The following GALNT13 variants were observed in gnomAD, a reference collection of about 807,000 sequenced individuals.
GALNT13 encodes the protein UDP-GalNAc:polypeptide N-acetylgalactosaminyltransferase 13.
In GALNT13, 28 loss-of-function variants were observed where a neutral mutation model predicts 64.2. The observed-to-expected ratio is 0.44, with a 90% confidence interval of 0.32 to 0.60. The LOEUF (loss-of-function observed/expected upper bound fraction) is 0.60. Among genes scored for constraint, GALNT13 ranks in the 20% least tolerant of loss-of-function variants. The pLI is 0.05. For synonymous variants in GALNT13, 214 were observed against 224.6 expected, an observed-to-expected ratio of 0.95 and a Z score of 0.42; for missense variants, 577 against 669.8, an observed-to-expected ratio of 0.86 and a Z score of 1.53.
At chr2:154,206,344 C>CAT (rs1020529446) in intron 4 of GALNT13, among the ~76,000 whole-genome samples, 22 of 151,892 alleles carry the variant, frequency 1.4e-4, no homozygotes, top group African/African-American at 4.1e-4. Flanking sequence ...TTTTTGAAAT[C>CAT]ATATATATAT....
the GALNT13 span, among the ~76,000 whole-genome samples, chr2:153,291,833 T>TAGGG: frequency 6.6e-6 from 1 of 151,744 alleles, no homozygotes; most frequent in African/African-American, 2.4e-5. Flanking sequence ...TGGAGACACG[T>TAGGG]AGGGGAAACA....
At chr2:153,379,619 G>A in the GALNT13 span, among the ~76,000 whole-genome samples, 1 of 152,126 alleles carries the variant, frequency 6.6e-6, no homozygotes, top group African/African-American at 2.4e-5. Flanking sequence ...ACAGGTCTAC[G>A]AAGAAGTTGG....
At chr2:154,446,606 C>T (rs1420524885) in intron 12 of GALNT13, 10 of 1,547,696 alleles carry the variant, frequency 6.5e-6, no homozygotes, top group Non-Finnish European at 8.7e-6. Flanking sequence ...AGTCTTGTCT[C>T]TCAGTGAACA....
the GALNT13 span, among the ~76,000 whole-genome samples, chr2:153,783,670 G>A: frequency 6.6e-6 from 1 of 152,058 alleles, no homozygotes; most frequent in African/African-American, 2.4e-5. Flanking sequence ...GGACCAGGTG[G>A]AGATAATTCT....
At chr2:153,755,972 C>T in the GALNT13 span, among the ~76,000 whole-genome samples, 1 of 152,074 alleles carries the variant, frequency 6.6e-6, no homozygotes, top group Non-Finnish European at 1.5e-5. Flanking sequence ...TCATTCTCCG[C>T]AACATTTTCA....
At chr2:153,709,581 A>T in the GALNT13 span, among the ~76,000 whole-genome samples, 1 of 152,028 alleles carries the variant, frequency 6.6e-6, no homozygotes, top group Non-Finnish European at 1.5e-5. Context: ...AACTGTATGG[A>T]AGTAACTCAA....
At chr2:154,333,673 G>A (rs1278621399) in intron 9 of GALNT13, among the ~76,000 whole-genome samples, 1 of 151,988 alleles carries the variant, frequency 6.6e-6, no homozygotes, top group East Asian at 1.9e-4. Context: ...TTATAAAAAT[G>A]GTGAAAATGT....
At chr2:153,850,617 T>G in the GALNT13 span, among the ~76,000 whole-genome samples, 2 of 152,338 alleles carry the variant, frequency 1.3e-5, no homozygotes, top group East Asian at 1.9e-4. Flanking sequence ...GAATCATGGT[T>G]AGTAAACATG....
At chr2:153,588,099 G>A in the GALNT13 span, among the ~76,000 whole-genome samples, 6 of 152,292 alleles carry the variant, frequency 3.9e-5, no homozygotes, top group Non-Finnish European at 7.3e-5. Context: ...CATGGTCTTG[G>A]ACAGCTCTGC....
chr2:153,962,140 A>G (rs1019734633), intron 3 of GALNT13, among the ~76,000 whole-genome samples: 4 of 152,200 alleles, frequency 2.6e-5, no homozygotes. Flanking sequence ...CTTGGCCCAT[A>G]TAATTTGATT....
At chr2:153,545,891 T>C in the GALNT13 span, among the ~76,000 whole-genome samples, 2 of 152,154 alleles carry the variant, frequency 1.3e-5, no homozygotes, top group Non-Finnish European at 2.9e-5. Context: ...CAGGGCAAAG[T>C]ACGTGGATCC....
At chr2:154,158,168 C>G (rs371795517) in intron 4 of GALNT13, among the ~76,000 whole-genome samples, 146 of 152,224 alleles carry the variant, frequency 9.6e-4, no homozygotes, top group African/African-American at 3.5e-3. Context: ...CCTTGACTAT[C>G]CAACACTCAT....
chr2:154,168,400 T>C (rs1685153425), intron 4 of GALNT13, among the ~76,000 whole-genome samples: 1 of 152,098 alleles, frequency 6.6e-6, no homozygotes, highest in African/African-American at 2.4e-5. Flanking sequence ...TGGAAAGTAA[T>C]CTGCTTTACT....
intron 8 of GALNT13, among the ~76,000 whole-genome samples, chr2:154,276,986 A>G (rs2105932573): frequency 6.6e-6 from 1 of 152,220 alleles, no homozygotes; most frequent in South Asian, 2.1e-4. Context: ...TCTTTCCTTT[A>G]TAAATTACCC....
chr2:153,767,087 A>G, the GALNT13 span, among the ~76,000 whole-genome samples: 1 of 152,096 alleles, frequency 6.6e-6, no homozygotes, highest in South Asian at 2.1e-4. Flanking sequence ...TAATTTTTCA[A>G]AACTCACCCC....
the GALNT13 span, among the ~76,000 whole-genome samples, chr2:153,418,053 C>A: frequency 6.6e-6 from 1 of 152,142 alleles, no homozygotes; most frequent in Non-Finnish European, 1.5e-5. Flanking sequence ...CACATCCCAG[C>A]CTTTCAAAAC....
rs896468127 is a variant in GALNT13 at position 154,329,492 on chromosome 2, T to C, written c.1156+27903T>C. 3.9e-5 allele frequency among the ~76,000 whole-genome samples: 6 copies of C among 152,198 alleles called. No individual in the cohort carries two copies. The East Asian group carries it at 1.2e-3, about 29-fold the overall frequency. ...GTTTTTTACGTGGTTATCAGTGTTT[T>C]GTGCTTTGCTTTTGCCAGTTCGGTT... On this transcript the variant is annotated intron_variant, in intron 9 of 12. Coordinates refer to ENST00000392825, the MANE Select transcript of GALNT13 (RefSeq NM_052917.4).
At chr2:153,853,216 G>A in the GALNT13 span, among the ~76,000 whole-genome samples, 2 of 152,240 alleles carry the variant, frequency 1.3e-5, no homozygotes, top group African/African-American at 4.8e-5. Context: ...TTCTAGACAT[G>A]CTGGCAGCTG....
chr2:153,121,068 G>A, the GALNT13 span, among the ~76,000 whole-genome samples: 1 of 152,146 alleles, frequency 6.6e-6, no homozygotes, highest in African/African-American at 2.4e-5. Context: ...GCCTCATCAG[G>A]AGGATACTGG....
Sources: gnomAD v4.1 joint callset for allele counts (sites outside exome capture counted in the v4.1 genomes callset) on GRCh38, gnomAD v4.1.1 for gene constraint, MANE v1.5 for transcripts, NCBI Gene and HGNC (gene_info 2026-07-23, HGNC 2026-07-21) for gene names.